The following TM9SF2 variants were observed in gnomAD, a reference collection of about 807,000 sequenced individuals.
The protein encoded by TM9SF2 is transmembrane 9 superfamily member 2, also known as 76 kDa membrane protein.
Under a neutral mutation model 84.9 loss-of-function variants are expected in TM9SF2, and 13 were observed. The ratio of observed to expected loss-of-function variants is 0.15; its 90% CI spans 0.10 to 0.24. The LOEUF is 0.24. TM9SF2 is among the 10% of genes least tolerant of loss of function. The pLI is 1.00. For synonymous variants in TM9SF2, 273 were observed against 285.8 expected (o/e 0.96, Z 0.45); for missense variants, 562 against 818.5 (o/e 0.69, Z 3.82).
intron 4 of TM9SF2, among the ~76,000 whole-genome samples, chr13:99,529,970 A>G (rs2046201079): frequency 6.6e-6 from 1 of 152,218 alleles, no homozygotes; most frequent in African/African-American, 2.4e-5. Context: ...TTGGTTTCCC[A>G]GTGCATATAA....
At chr13:99,521,851 T>G (rs1159427296) in intron 3 of TM9SF2, among the ~76,000 whole-genome samples, 4 of 152,054 alleles carry the variant, frequency 2.6e-5, no homozygotes. Flanking sequence ...GGACTACAGA[T>G]GCATACCACC....
rs770606334 is a variant in TM9SF2 at position 99,520,154 on chromosome 13, ATTAT to A, written c.333+29_333+32del. ...GGTTTGTATTTAGTGTTACATAATA[ATTAT>A]TTACTTACAGCTTTTGTTTTTGTTA... On this transcript the variant is annotated intron_variant, in intron 3 of 16. Transcript: ENST00000376387. The A allele has an allele frequency of 6.4e-6, 10 of 1,564,866 alleles. No individual in the cohort carries two copies. The Admixed American group carries it at 1.9e-4, about 29-fold the overall frequency.
intron 1 of TM9SF2, among the ~76,000 whole-genome samples, chr13:99,503,442 C>T (rs2046075151): frequency 6.6e-6 from 1 of 152,172 alleles, no homozygotes; most frequent in African/African-American, 2.4e-5. Flanking sequence ...GGTGTGGTGG[C>T]TCACGCCTGT....
In TM9SF2 at chr13:99,563,396, T is replaced by A. The variant is rs1036513323; in HGVS notation, c.*638T>A. 2 of 152,250 alleles carry A rather than the reference T, an allele frequency of 1.3e-5. No individual in the cohort carries two copies. The highest frequency in any genetic ancestry group is 2.9e-5 in the Non-Finnish European group (2 of 68,030). 9.4% of individuals were successfully genotyped at this position (152,250 alleles called of 1,614,324 possible). On this transcript the variant is annotated 3_prime_UTR_variant, in exon 17 of 17. Transcript: ENST00000376387. Reference sequence around the variant, plus strand: ...AATAAATATTATAAAAATGTCTTCATTGCATCATTACCTATTATATATTCA... The same window carrying A: ...AATAAATATTATAAAAATGTCTTCAATGCATCATTACCTATTATATATTCA...
At chr13:99,539,340 A>ACC in intron 6 of TM9SF2, 106 bp from the exon 7 acceptor site, 1 of 713,120 alleles carries the variant, frequency 1.4e-6, no homozygotes, top group Non-Finnish European at 2.5e-6. Flanking sequence ...GAATAATTTC[A>ACC]CCTTTGTCAG....
At chr13:99,533,962 C>T (rs1304257329) in intron 4 of TM9SF2, among the ~76,000 whole-genome samples, 1 of 152,214 alleles carries the variant, frequency 6.6e-6, no homozygotes, top group Admixed American at 6.5e-5. Context: ...AGCCACCGCT[C>T]CTGGCCATAC....
chr13:99,552,096 C>T lies in TM9SF2; in HGVS notation c.1329-71C>T. Reference sequence around the variant, plus strand: ...TATATATTAGAAACATAGAAGTTGTCATATTAATTACATACTACTGTTGCA... The same window carrying T: ...TATATATTAGAAACATAGAAGTTGTTATATTAATTACATACTACTGTTGCA... On this transcript the variant is annotated intron_variant, in intron 12 of 16. Transcript: ENST00000376387. The T allele has an allele frequency of 2.9e-6, 4 of 1,376,026 alleles. No homozygotes were observed. The South Asian group carries it at 5.4e-5, about 19-fold the overall frequency. 85.2% of individuals were successfully genotyped at this position (1,376,026 alleles called of 1,614,324 possible). A position where few individuals can be genotyped will look rare whatever the true frequency, so the allele number is the denominator to read the frequency against.
Position 99,539,454 on chromosome 13 carries a change from A to T in TM9SF2, c.725A>T (p.His242Leu). ...AAKLEPKSFKHTHIDKPDCSG... is the reference protein window; with the variant it reads ...AAKLEPKSFKLTHIDKPDCSG... Reference sequence around the variant, plus strand: ...AATGTTTCTTCCCACAGCTTCAAACATACCCATATAGATAAACCAGACTGC... The same window carrying T: ...AATGTTTCTTCCCACAGCTTCAAACTTACCCATATAGATAAACCAGACTGC... The change falls in exon 7 of 17, where the codon CAT becomes CTT. Residue 242 changes from histidine (H) to leucine (L), a missense_variant. This residue lies in a region of TM9SF2 where 267 missense variants were observed against 316.7 expected (regional missense o/e 0.84). Transcript: ENST00000376387. 1 of 1,608,024 alleles carries T rather than the reference A, an allele frequency of 6.2e-7. No homozygotes were observed. Among genetic ancestry groups the T allele is most frequent in the Non-Finnish European group, 8.5e-7 (1 of 1,174,568 alleles).
At chr13:99,515,978 C>G (rs528097471) in intron 1 of TM9SF2, among the ~76,000 whole-genome samples, 1 of 152,178 alleles carries the variant, frequency 6.6e-6, no homozygotes, top group Non-Finnish European at 1.5e-5. Flanking sequence ...GTGATCCGCC[C>G]GCCTTGGCCT....
chr13:99,528,407 G>T (rs1352581582), intron 3 of TM9SF2, among the ~76,000 whole-genome samples: 1 of 152,178 alleles, frequency 6.6e-6, no homozygotes, highest in African/African-American at 2.4e-5. Context: ...ATGGAACATA[G>T]GAAGCACTAA....
In TM9SF2 at chr13:99,536,689, C is replaced by G; in HGVS notation, c.543C>G (p.Gly181=). 1 of 1,613,674 alleles carries G rather than the reference C, an allele frequency of 6.2e-7. No individual in the cohort carries two copies. Among genetic ancestry groups the G allele is most frequent in the Admixed American group, 1.7e-5 (1 of 60,002 alleles). The change falls in exon 5 of 17, where the codon GGC becomes GGG. Residue 181 remains glycine (G), a synonymous_variant. Coordinates refer to ENST00000376387, the MANE Select transcript of TM9SF2 (RefSeq NM_004800.3). ...TCTGTAATCCTGGATTTCCTATTGG[C>G]TGTTACATTACAGATAAAGGCCATG... is the stretch of plus-strand genomic sequence containing the variant. ...QRFCNPGFPI[G]CYITDKGHAK...
chr13:99,502,190 C>T (rs1422060736), intron 1 of TM9SF2, among the ~76,000 whole-genome samples: 1 of 152,194 alleles, frequency 6.6e-6, no homozygotes, highest in African/African-American at 2.4e-5. Flanking sequence ...CGACTCCCTA[C>T]ATGTGAGCAA....
intron 1 of TM9SF2, among the ~76,000 whole-genome samples, 177 bp downstream of exon 1, chr13:99,501,954 C>T (rs377608797): frequency 2.0e-4 from 30 of 152,312 alleles, no homozygotes; most frequent in Middle Eastern, 6.8e-3. Context: ...TGAAACAGCC[C>T]TTGCAAGGGT....
chr13:99,535,452 G>A (rs1198487535), intron 4 of TM9SF2, among the ~76,000 whole-genome samples: 1 of 152,078 alleles, frequency 6.6e-6, no homozygotes, highest in African/African-American at 2.4e-5. Context: ...TAACGGATTC[G>A]TTAAGCTTTC....
At chr13:99,508,749 C>T (rs1674088728) in intron 1 of TM9SF2, among the ~76,000 whole-genome samples, 1 of 152,058 alleles carries the variant, frequency 6.6e-6, no homozygotes, top group Non-Finnish European at 1.5e-5. Flanking sequence ...AGATGCCACA[C>T]TTTACAACAA....
intron 4 of TM9SF2, among the ~76,000 whole-genome samples, chr13:99,530,378 C>T (rs772535773): frequency 3.3e-5 from 5 of 152,150 alleles, no homozygotes; most frequent in East Asian, 1.9e-4. Context: ...GAGCTGAGAT[C>T]GTGCCACTGC....
At chr13:99,538,011 T>C (rs1321374362) in intron 6 of TM9SF2, 148 bp downstream of exon 6, 9 of 1,190,708 alleles carry the variant, frequency 7.6e-6, no homozygotes, top group Admixed American at 3.4e-5. Context: ...GTTATTGTTA[T>C]GGGTTGTCCA....
chr13:99,560,097 T>C (rs1272160924), intron 16 of TM9SF2, among the ~76,000 whole-genome samples: 3 of 152,212 alleles, frequency 2.0e-5, no homozygotes. Context: ...AAGTTTTCGG[T>C]ATCTCACAGC....
chr13:99,501,637 C>G lies in TM9SF2; in HGVS notation c.31C>G (p.Pro11Ala), dbSNP rs199905191. The change falls in exon 1 of 17, where the codon CCT becomes GCT. Residue 11 changes from proline (P) to alanine (A), a missense_variant. Around this residue, in one of 4 missense-constraint regions of TM9SF2, gnomAD observed 267 missense variants for 316.7 expected, o/e 0.84. Coordinates refer to ENST00000376387, the MANE Select transcript of TM9SF2 (RefSeq NM_004800.3). The part of the protein sequence containing the change: MSARLPVLSP[P>A]RWPRLLLLSL... ...CGCGAGGCTGCCGGTGTTGTCTCCA[C>G]CTCGGTGGCCGCGGCTGTTGCTGCT... is the stretch of plus-strand genomic sequence containing the variant. The G allele has an allele frequency of 6.8e-6, 11 of 1,613,148 alleles. No individual in the cohort carries two copies. The South Asian group carries it at 1.2e-4, about 18-fold the overall frequency.
Sources: gnomAD v4.1 joint callset for allele counts (sites outside exome capture counted in the v4.1 genomes callset) on GRCh38, gnomAD v4.1.1 for gene constraint, gnomAD v4.1.1 regional missense constraint, MANE v1.5 for transcripts, NCBI Gene and HGNC (gene_info 2026-07-23, HGNC 2026-07-21) for gene names.